Variants in TMEM182 observed in about 807,000 individuals in gnomAD.
TMEM182 encodes transmembrane protein 182.
TMEM182 carries 20 observed loss-of-function variants against 26.8 expected under a neutral mutation model. That is an observed-to-expected ratio of 0.75 (90% confidence interval 0.53 to 1.09). The LOEUF is 1.09. Ranked by LOEUF, TMEM182 falls within the 50% of genes least tolerant of loss-of-function variation. The pLI is 0.00. For synonymous variants in TMEM182, 109 were observed against 102.2 expected, an observed-to-expected ratio of 1.07 and a Z score of -0.40; for missense variants, 277 against 275.5, an observed-to-expected ratio of 1.01 and a Z score of -0.04.
chr2:102,803,307 T>C (rs1007057647), intron 4 of TMEM182, among the ~76,000 whole-genome samples: 121 of 152,346 alleles, frequency 7.9e-4, no homozygotes, highest in African/African-American at 2.7e-3. Context: ...CTCTGCCATG[T>C]GCGGCAAAAT....
chr2:102,742,867 TA>T (rs1187346546), intron 1 of TMEM182, among the ~76,000 whole-genome samples: 1 of 151,742 alleles, frequency 6.6e-6, no homozygotes, highest in Non-Finnish European at 1.5e-5. Flanking sequence ...TTTCTCAGGT[TA>T]AAAAAAAGCT....
chr2:102,789,326 A>G (rs1487325162), intron 3 of TMEM182, among the ~76,000 whole-genome samples: 1 of 152,258 alleles, frequency 6.6e-6, no homozygotes, highest in Non-Finnish European at 1.5e-5. Context: ...CAACAAAATC[A>G]CTTATCAAAA....
chr2:102,815,257 C>A lies in TMEM182; in HGVS notation c.*289C>A. ...TTAGAGTTCATGCAGGTCGCAAAGG[C>A]CTGATAATAGCTTAATACCATGACA... On this transcript the variant is annotated 3_prime_UTR_variant, in exon 5 of 5. Coordinates refer to ENST00000412401, the MANE Select transcript of TMEM182 (RefSeq NM_144632.5). 1 of 1,135,492 alleles carries A rather than the reference C, an allele frequency of 8.8e-7. No homozygotes were observed. The highest frequency in any genetic ancestry group is 1.1e-6 in the Non-Finnish European group (1 of 924,864). 70.3% of individuals were successfully genotyped at this position (1,135,492 alleles called of 1,614,324 possible). A position where few individuals can be genotyped will look rare whatever the true frequency, so the allele number is the denominator to read the frequency against.
At chr2:102,843,183 C>T (rs1057154238) in intron 3 of TMEM182, among the ~76,000 whole-genome samples, 14 of 152,198 alleles carry the variant, frequency 9.2e-5, no homozygotes, top group East Asian at 5.8e-4. Context: ...CAGGAGATAC[C>T]ATGACACCTC....
upstream of TMEM182, among the ~76,000 whole-genome samples, chr2:102,757,844 AG>A (rs751268067): frequency 2.0e-5 from 3 of 152,226 alleles, no homozygotes; most frequent in Non-Finnish European, 4.4e-5. Flanking sequence ...TCTTGGCGGA[AG>A]GCAAAGAGGA....
At position 102,738,099 on chromosome 2, in the gene TMEM182, A is replaced by G. The variant is rs73003309; in HGVS notation, c.-83+1086A>G. Among the ~76,000 whole-genome samples, 301 of 152,346 alleles carry G rather than the reference A, an allele frequency of 2.0e-3. 1 individual carries two copies. Among genetic ancestry groups the G allele is most frequent in the Middle Eastern group, 6.8e-3 (2 of 294 alleles). On this transcript the variant is annotated intron_variant, in intron 1 of 5. Coordinates refer to the TMEM182 transcript ENST00000409173. ...TGCAGGAGAACTAGTTTGCTCTCCT[A>G]TAGCTGAGGAAACTAGTCTTTTTGT...
intron 4 of TMEM182, among the ~76,000 whole-genome samples, chr2:102,811,626 C>G (rs1227822005): frequency 6.6e-6 from 1 of 152,156 alleles, no homozygotes; most frequent in Non-Finnish European, 1.5e-5. Context: ...AAAAGCTTCC[C>G]TTTCCCTATT....
intron 4 of TMEM182, among the ~76,000 whole-genome samples, chr2:102,809,805 G>T (rs535646923): frequency 1.2e-4 from 18 of 152,296 alleles, no homozygotes; most frequent in African/African-American, 4.3e-4. Flanking sequence ...TTTAGAGTGT[G>T]TGCAGCCTTT....
At chr2:102,802,214 G>T (rs908777743) in intron 4 of TMEM182, among the ~76,000 whole-genome samples, 7 of 152,230 alleles carry the variant, frequency 4.6e-5, no homozygotes, top group Non-Finnish European at 8.8e-5. Context: ...CACATAGGAA[G>T]ACTCTTTGGC....
At chr2:102,775,920 C>T (rs1250744480) in intron 3 of TMEM182, among the ~76,000 whole-genome samples, 3 of 152,096 alleles carry the variant, frequency 2.0e-5, no homozygotes, top group Non-Finnish European at 2.9e-5. Context: ...GTTATATTTA[C>T]ATCCAATGAA....
chr2:102,780,192 T>C (rs1010312744), intron 3 of TMEM182, among the ~76,000 whole-genome samples: 8 of 152,180 alleles, frequency 5.3e-5, no homozygotes, highest in African/African-American at 1.7e-4. Context: ...TTACTAATGA[T>C]TTTTTTATTG....
At chr2:102,806,817 G>C (rs189754881) in intron 4 of TMEM182, among the ~76,000 whole-genome samples, 1 of 152,268 alleles carries the variant, frequency 6.6e-6, no homozygotes, top group African/African-American at 2.4e-5. Flanking sequence ...AAGAAACTGA[G>C]ACAGAGCAGT....
chr2:102,794,565 C>T lies in TMEM182; in HGVS notation c.332-3298C>T, dbSNP rs139117326. Among the ~76,000 whole-genome samples, 5 of 152,324 alleles carry T rather than the reference C, an allele frequency of 3.3e-5. No homozygotes were observed. The East Asian group carries it at 5.8e-4, about 18-fold the overall frequency. ...TACCCTTCTTTCTATATTTTCACCA[C>T]GTGCAGAATTTTAGTTGAAGGTCTT... On this transcript the variant is annotated intron_variant, in intron 3 of 4. Transcript: ENST00000412401.
chr2:102,742,918 G>A (rs1430669710), intron 1 of TMEM182, among the ~76,000 whole-genome samples: 1 of 152,074 alleles, frequency 6.6e-6, no homozygotes, highest in Non-Finnish European at 1.5e-5. Flanking sequence ...TTCAAAAAAT[G>A]TTAAAAGAAG....
intron 4 of TMEM182, among the ~76,000 whole-genome samples, chr2:102,808,823 C>A (rs1682442466): frequency 6.6e-6 from 1 of 152,114 alleles, no homozygotes; most frequent in African/African-American, 2.4e-5. Flanking sequence ...TAAAAACATT[C>A]CCAAACAAAA....
chr2:102,739,056 T>C (rs1679471930), intron 1 of TMEM182, among the ~76,000 whole-genome samples: 1 of 152,222 alleles, frequency 6.6e-6, no homozygotes, highest in Admixed American at 6.5e-5. Context: ...TTGAAAAGAT[T>C]TGCGATTGCT....
At chr2:102,755,916 A>G (rs959599680) in intron 1 of TMEM182, among the ~76,000 whole-genome samples, 2 of 152,236 alleles carry the variant, frequency 1.3e-5, no homozygotes, top group Non-Finnish European at 2.9e-5. Flanking sequence ...CACATATGAA[A>G]ACTTGTATGA....
intron 1 of TMEM182, among the ~76,000 whole-genome samples, chr2:102,745,904 T>C (rs545143320): frequency 6.6e-6 from 1 of 152,310 alleles, no homozygotes; most frequent in Admixed American, 6.5e-5. Flanking sequence ...TGAATAATGC[T>C]GCTATGAACA....
intron 3 of TMEM182, among the ~76,000 whole-genome samples, chr2:102,786,029 A>G (rs1322067791): frequency 6.8e-6 from 1 of 146,616 alleles, no homozygotes; most frequent in East Asian, 2.0e-4. Flanking sequence ...AGGTCTTTTC[A>G]GGTGTAGATT....
Sources: allele counts gnomAD v4.1 joint callset (sites outside exome capture counted in the v4.1 genomes callset), GRCh38; gene constraint gnomAD v4.1.1; transcripts MANE v1.5; gene names NCBI Gene and HGNC (gene_info 2026-07-23, HGNC 2026-07-21).